MSRA: variants seen among roughly 807,000 people sequenced by gnomAD.
The protein encoded by MSRA is methionine sulfoxide reductase A.
In MSRA, 54 loss-of-function variants were observed where a neutral mutation model predicts 31.3. That is an observed-to-expected ratio of 1.73 (90% CI 1.39 to 2.17). The LOEUF (loss-of-function observed/expected upper bound fraction) is 2.17. Ranked by LOEUF, MSRA falls within the 30% of genes most tolerant of loss-of-function variation. The pLI, the probability that MSRA is intolerant of heterozygous loss-of-function variation, is 0.00. For synonymous variants in MSRA, 169 were observed against 116.5 expected (o/e 1.45, Z -2.90); for missense variants, 507 against 300.9 (o/e 1.69, Z -5.07).
intron 1 of MSRA, among the ~76,000 whole-genome samples, chr8:10,133,713 T>C (rs137990648): frequency 2.7e-3 from 408 of 152,328 alleles, no homozygotes; most frequent in Non-Finnish European, 4.6e-3. Context: ...ACAGGGGAAG[T>C]GCTCAGGAAA....
chr8:10,390,106 G>C (rs1585657853), intron 5 of MSRA, among the ~76,000 whole-genome samples: 1 of 152,160 alleles, frequency 6.6e-6, no homozygotes, highest in Non-Finnish European at 1.5e-5. Flanking sequence ...CACATTCCCC[G>C]TGAGATCTGA....
At chr8:10,133,200 A>T (rs990695355) in intron 1 of MSRA, among the ~76,000 whole-genome samples, 14 of 152,138 alleles carry the variant, frequency 9.2e-5, no homozygotes, top group African/African-American at 3.4e-4. Flanking sequence ...GTGGCTGGAG[A>T]CAGGGTTGGT....
At chr8:10,390,021 C>T (rs1434112506) in intron 5 of MSRA, among the ~76,000 whole-genome samples, 1 of 152,128 alleles carries the variant, frequency 6.6e-6, no homozygotes. Flanking sequence ...TCTGCTTCTG[C>T]CTCACCCGAG....
intron 5 of MSRA, among the ~76,000 whole-genome samples, chr8:10,388,035 T>G (rs1199863106): frequency 6.6e-6 from 1 of 152,176 alleles, no homozygotes; most frequent in Non-Finnish European, 1.5e-5. Flanking sequence ...CCTTCTAGGT[T>G]CTCCAATGGA....
intron 1 of MSRA, among the ~76,000 whole-genome samples, chr8:10,124,153 A>T (rs1801327820): frequency 1.3e-5 from 2 of 152,134 alleles, no homozygotes. Context: ...ATAGAGGCAA[A>T]GGGGTTTCAA....
At chr8:10,076,690 T>A (rs1303121034) in intron 1 of MSRA, among the ~76,000 whole-genome samples, 1 of 152,066 alleles carries the variant, frequency 6.6e-6, no homozygotes, top group Non-Finnish European at 1.5e-5. Flanking sequence ...GCTGGGAGGT[T>A]CCCTTACCCA....
chr8:10,242,287 C>T (rs758949897), intron 2 of MSRA, among the ~76,000 whole-genome samples: 6 of 149,948 alleles, frequency 4.0e-5, no homozygotes, highest in Non-Finnish European at 8.9e-5. Context: ...AAAAAAAGAA[C>T]TTAAAGACGT....
chr8:10,398,390 C>A (rs990559408), intron 5 of MSRA, among the ~76,000 whole-genome samples: 1 of 152,194 alleles, frequency 6.6e-6, no homozygotes, highest in Non-Finnish European at 1.5e-5. Flanking sequence ...GGTCCCTTGC[C>A]GAGAGAGACC....
chr8:10,260,400 C>T (rs916286025), intron 3 of MSRA, among the ~76,000 whole-genome samples: 4 of 152,148 alleles, frequency 2.6e-5, no homozygotes, highest in African/African-American at 7.2e-5. Flanking sequence ...AGCAAAGTTT[C>T]CACAGAGGAG....
chr8:10,299,732 A>T (rs1375289048), intron 3 of MSRA, among the ~76,000 whole-genome samples: 2 of 152,210 alleles, frequency 1.3e-5, no homozygotes, highest in Non-Finnish European at 2.9e-5. Flanking sequence ...TAAGGATTAA[A>T]AATGTTGTAA....
At chr8:10,388,930 C>T (rs1427398737) in intron 5 of MSRA, among the ~76,000 whole-genome samples, 5 of 151,998 alleles carry the variant, frequency 3.3e-5, no homozygotes, top group Admixed American at 6.6e-5. Context: ...CGAATGTCTC[C>T]TGGAAAGAGC....
chr8:10,183,808 G>GTGCTGCTGC (rs752435520), intron 1 of MSRA, among the ~76,000 whole-genome samples: 1 of 100,168 alleles, frequency 1.0e-5, no homozygotes, highest in African/African-American at 3.4e-5. Flanking sequence ...GGTGGTGGTG[G>GTGCTGCTGC]TGCTGCTGCT....
intron 1 of MSRA, among the ~76,000 whole-genome samples, chr8:10,061,351 A>AG (rs1332623952): frequency 6.6e-6 from 1 of 152,196 alleles, no homozygotes; most frequent in East Asian, 1.9e-4. Context: ...CTTATCTTCA[A>AG]GGAAGCATCC....
intron 5 of MSRA, among the ~76,000 whole-genome samples, chr8:10,382,941 C>T (rs1365278594): frequency 6.6e-6 from 1 of 152,198 alleles, no homozygotes; most frequent in East Asian, 1.9e-4. Context: ...GTGGTTTCCT[C>T]TTTGAAACTT....
chr8:10,188,980 T>G (rs1050177746), intron 1 of MSRA, among the ~76,000 whole-genome samples: 1 of 152,190 alleles, frequency 6.6e-6, no homozygotes, highest in African/African-American at 2.4e-5. Flanking sequence ...TCTTACAGAG[T>G]CTTTCAGTTT....
chr8:10,156,306 C>G (rs1293336344), intron 1 of MSRA, among the ~76,000 whole-genome samples: 3 of 152,152 alleles, frequency 2.0e-5, no homozygotes, highest in Non-Finnish European at 4.4e-5. Flanking sequence ...ATCACCCTTT[C>G]CTTTTTTAAA....
At chr8:10,066,420 T>TAC (rs1293710029) in intron 1 of MSRA, among the ~76,000 whole-genome samples, 2 of 152,224 alleles carry the variant, frequency 1.3e-5, no homozygotes, top group Admixed American at 6.5e-5. Flanking sequence ...CATAAAATCA[T>TAC]ACACACACAC....
intron 5 of MSRA, among the ~76,000 whole-genome samples, chr8:10,403,746 G>C (rs902438489): frequency 6.6e-6 from 1 of 152,190 alleles, no homozygotes; most frequent in African/African-American, 2.4e-5. Context: ...ATGTAGCAGC[G>C]ATGCCGGTGG....
intron 2 of MSRA, among the ~76,000 whole-genome samples, chr8:10,225,067 G>A (rs1262755507): frequency 1.3e-5 from 2 of 152,294 alleles, no homozygotes; most frequent in East Asian, 3.9e-4. Flanking sequence ...GAACCCAGAG[G>A]CAGAGGTTGC....
Sources: allele counts gnomAD v4.1 joint callset (sites outside exome capture counted in the v4.1 genomes callset), GRCh38; gene constraint gnomAD v4.1.1; transcripts MANE v1.5; gene names NCBI Gene and HGNC (gene_info 2026-07-23, HGNC 2026-07-21).